The following QKI variants were observed in gnomAD, a reference collection of about 807,000 sequenced individuals.
QKI encodes the protein QKI, KH domain containing RNA binding.
Under a neutral mutation model 39.0 loss-of-function variants are expected in QKI, and 10 were observed. That is an observed-to-expected ratio of 0.26 (90% CI 0.16 to 0.43). The LOEUF (loss-of-function observed/expected upper bound fraction) is 0.43, where lower values mean the gene tolerates loss of function less well. QKI is among the 20% of genes least tolerant of loss of function. The pLI is 1.00. For missense variants in QKI, 218 were observed against 428.0 expected (o/e 0.51, Z 4.33); for synonymous variants, 204 against 155.4 (o/e 1.31, Z -2.33).
intron 4 of QKI, among the ~76,000 whole-genome samples, chr6:163,535,993 T>C (rs1206733519): frequency 1.3e-5 from 2 of 152,152 alleles, no homozygotes; most frequent in African/African-American, 4.8e-5. Flanking sequence ...AGCATTGGCA[T>C]TTACATAAAT....
chr6:163,420,602 C>T (rs534139915), intron 1 of QKI, among the ~76,000 whole-genome samples: 2 of 152,012 alleles, frequency 1.3e-5, no homozygotes, highest in South Asian at 2.1e-4. Context: ...TTTTTTTCTC[C>T]AGTCCCTCCT....
chr6:163,463,894 C>G (rs928349423), intron 2 of QKI, among the ~76,000 whole-genome samples: 1 of 152,146 alleles, frequency 6.6e-6, no homozygotes, highest in Non-Finnish European at 1.5e-5. Context: ...GCAATTCACT[C>G]TTCTGTAAAA....
At chr6:163,503,012 G>GT (rs1162370113) in intron 3 of QKI, among the ~76,000 whole-genome samples, 2 of 151,864 alleles carry the variant, frequency 1.3e-5, no homozygotes, top group Admixed American at 6.6e-5. Flanking sequence ...CAGCATCTAT[G>GT]TTTTTTTGCC....
At chr6:163,481,815 A>G (rs1477297886) in intron 3 of QKI, among the ~76,000 whole-genome samples, 1 of 152,198 alleles carries the variant, frequency 6.6e-6, no homozygotes, top group Non-Finnish European at 1.5e-5. Context: ...TGTACCAGCT[A>G]TTTTGTAAAT....
At chr6:163,545,469 T>C (rs1583197647) in intron 4 of QKI, among the ~76,000 whole-genome samples, 1 of 152,112 alleles carries the variant, frequency 6.6e-6, no homozygotes, top group Non-Finnish European at 1.5e-5. Flanking sequence ...TCTAAATCAT[T>C]GAGCAGCTAT....
chr6:163,487,712 T>C (rs986927678), intron 3 of QKI, among the ~76,000 whole-genome samples: 12 of 152,150 alleles, frequency 7.9e-5, no homozygotes, highest in African/African-American at 2.9e-4. Context: ...ATATTTCTTG[T>C]AAATTGGTAA....
chr6:163,531,382 A>G (rs771547232), intron 3 of QKI, among the ~76,000 whole-genome samples: 21 of 152,140 alleles, frequency 1.4e-4, no homozygotes, highest in Admixed American at 4.6e-4. Flanking sequence ...TTTCTGGTCT[A>G]CTGCTGGGAA....
At chr6:163,555,467 C>T (rs73246668) in intron 4 of QKI, among the ~76,000 whole-genome samples, 76 of 142,360 alleles carry the variant, frequency 5.3e-4, no homozygotes, top group African/African-American at 1.7e-3. Flanking sequence ...GCCAAGATCA[C>T]GCCACAGCAC....
chr6:163,512,571 A>G (rs1300048588), intron 3 of QKI, among the ~76,000 whole-genome samples: 2 of 152,090 alleles, frequency 1.3e-5, no homozygotes, highest in African/African-American at 2.4e-5. Context: ...CACAACTCCT[A>G]ATAACTGATA....
chr6:163,433,196 A>T (rs1562427808), intron 1 of QKI, among the ~76,000 whole-genome samples: 1 of 152,170 alleles, frequency 6.6e-6, no homozygotes. Context: ...TATCATAGTG[A>T]TGTTGTTTAG....
chr6:163,509,090 A>G (rs1383599151), intron 3 of QKI, among the ~76,000 whole-genome samples: 8 of 152,196 alleles, frequency 5.3e-5, no homozygotes, highest in African/African-American at 1.9e-4. Context: ...GTGAGCCAAG[A>G]TTGTGCCACT....
intron 4 of QKI, among the ~76,000 whole-genome samples, chr6:163,549,474 G>T (rs1782096192): frequency 6.6e-6 from 1 of 152,168 alleles, no homozygotes; most frequent in South Asian, 2.1e-4. Flanking sequence ...ACTTTGGGAG[G>T]CTGAGGCGGG....
At chr6:163,521,942 A>T (rs900312402) in intron 3 of QKI, among the ~76,000 whole-genome samples, 2 of 152,160 alleles carry the variant, frequency 1.3e-5, no homozygotes, top group African/African-American at 4.8e-5. Flanking sequence ...TGTTAATATA[A>T]TGACAGAAAG....
At chr6:163,505,222 G>C (rs1005555967) in intron 3 of QKI, among the ~76,000 whole-genome samples, 1 of 152,200 alleles carries the variant, frequency 6.6e-6, no homozygotes, top group Non-Finnish European at 1.5e-5. Flanking sequence ...GTCTGCTGCA[G>C]GGGCGGACCC....
intron 3 of QKI, among the ~76,000 whole-genome samples, chr6:163,520,693 A>C (rs183646335): frequency 1.6e-4 from 25 of 152,304 alleles, no homozygotes; most frequent in Non-Finnish European, 2.8e-4. Context: ...AATGCTTTCA[A>C]GTTATTAACA....
intron 4 of QKI, among the ~76,000 whole-genome samples, chr6:163,552,100 C>A (rs116764095): frequency 0.04 from 5,906 of 147,366 alleles, 398 homozygotes; most frequent in African/African-American, 0.14. Flanking sequence ...TGTATTCTTA[C>A]AATAAAATAA....
intron 6 of QKI, 27 bp downstream of exon 6, chr6:163,563,746 C>T (rs1346328200): frequency 1.3e-6 from 2 of 1,580,324 alleles, no homozygotes; most frequent in Non-Finnish European, 1.7e-6. Flanking sequence ...ATGGGGTTAA[C>T]AACATTCTCT....
In QKI at chr6:163,455,388, G is replaced by A; in HGVS notation, c.252G>A (p.Glu84=). ...DAVGPIVQLQ[E]KLYVPVKEYP... is the part of the protein sequence containing the mutation. ...TGGGACCTATTGTTCAGTTACAAGA[G>A]AAACTTTATGTGCCTGTAAAAGAAT... The change falls in exon 2 of 8, where the codon GAG becomes GAA. Residue 84 remains glutamate (E), a synonymous_variant. Transcript: ENST00000361752. The A allele has an allele frequency of 6.2e-7, 1 of 1,612,748 alleles. No homozygotes were observed. The highest frequency in any genetic ancestry group is 8.5e-7 in the Non-Finnish European group (1 of 1,178,978).
At chr6:163,553,085 T>G (rs963051041) in intron 4 of QKI, among the ~76,000 whole-genome samples, 1 of 112,956 alleles carries the variant, frequency 8.9e-6, no homozygotes, top group Non-Finnish European at 1.8e-5. Flanking sequence ...TTTATTTATT[T>G]ATTTATTTAT....
Sources: allele counts gnomAD v4.1 joint callset (sites outside exome capture counted in the v4.1 genomes callset), GRCh38; gene constraint gnomAD v4.1.1; transcripts MANE v1.5; gene names NCBI Gene and HGNC (gene_info 2026-07-23, HGNC 2026-07-21).